TP63: variants seen among roughly 807,000 people sequenced by gnomAD.
TP63 encodes the protein tumor protein p63, also known as tumor protein 63.
In TP63, 17 loss-of-function variants were observed where a neutral mutation model predicts 82.8. The observed-to-expected ratio is 0.21, with a 90% CI of 0.14 to 0.31. The LOEUF (loss-of-function observed/expected upper bound fraction) is 0.31, where lower values mean the gene tolerates loss of function less well. Among genes scored for constraint, TP63 ranks in the 10% least tolerant of loss-of-function variants. The probability of loss-of-function intolerance (pLI) is 1.00; values close to 1 mark genes in which losing one functional copy is unlikely to be tolerated. For synonymous variants in TP63, 330 were observed against 321.7 expected (o/e 1.03, Z -0.28); for missense variants, 648 against 895.3 (o/e 0.72, Z 3.52).
At chr3:189,892,900 C>T (rs749971382) in intron 13 of TP63, among the ~76,000 whole-genome samples, 5 of 152,178 alleles carry the variant, frequency 3.3e-5, no homozygotes, top group Non-Finnish European at 7.3e-5. Context: ...CCTGAAAATT[C>T]ACACCATAGG....
At chr3:189,644,023 A>G (rs1712171067) in intron 1 of TP63, among the ~76,000 whole-genome samples, 1 of 151,526 alleles carries the variant, frequency 6.6e-6, no homozygotes, top group Admixed American at 6.6e-5. Flanking sequence ...TTCTTTGGGA[A>G]CTCTATTCCC....
chr3:189,815,423 T>C (rs1319011009), intron 4 of TP63, among the ~76,000 whole-genome samples: 1 of 152,168 alleles, frequency 6.6e-6, no homozygotes, highest in Non-Finnish European at 1.5e-5. Flanking sequence ...AAAGAGCTTA[T>C]ATACTGTATC....
chr3:189,746,635 C>T (rs553100899), intron 3 of TP63, among the ~76,000 whole-genome samples: 32 of 151,856 alleles, frequency 2.1e-4, no homozygotes, highest in African/African-American at 7.7e-4. Context: ...AATAAGGGAA[C>T]AAAGACTACA....
chr3:189,628,848 G>A (rs1729374644), upstream of TP63, among the ~76,000 whole-genome samples: 1 of 152,094 alleles, frequency 6.6e-6, no homozygotes, highest in African/African-American at 2.4e-5. Flanking sequence ...TGCTACTGGT[G>A]TTCTGTTGAA....
At chr3:189,709,848 G>A (rs6444392) in intron 1 of TP63, among the ~76,000 whole-genome samples, 13,329 of 152,096 alleles carry the variant, frequency 0.088, 814 homozygotes, top group African/African-American at 0.18. Context: ...TCCTTTGAAG[G>A]TGGGTCATAC....
chr3:189,677,306 T>C (rs982896315), intron 1 of TP63, among the ~76,000 whole-genome samples: 2 of 147,622 alleles, frequency 1.4e-5, no homozygotes, highest in Non-Finnish European at 3.0e-5. Context: ...AAATGTTTTA[T>C]ATATATTCTA....
At chr3:189,822,123 C>G (rs1728857790) in intron 4 of TP63, among the ~76,000 whole-genome samples, 1 of 152,132 alleles carries the variant, frequency 6.6e-6, no homozygotes, top group African/African-American at 2.4e-5. Flanking sequence ...GATGATACTC[C>G]TTTAGGTAAC....
intron 3 of TP63, among the ~76,000 whole-genome samples, chr3:189,745,275 A>C (rs1721278822): frequency 6.6e-6 from 1 of 152,256 alleles, no homozygotes; most frequent in South Asian, 2.1e-4. Context: ...GATCCCAGTA[A>C]AAATTATTAA....
rs756910743 is a variant in TP63 at position 189,873,045 on chromosome 3, A to C, written c.1349+50A>C. 4 of 1,613,540 alleles carry C rather than the reference A, an allele frequency of 2.5e-6. No individual in the cohort carries two copies. The African/African-American group carries it at 4.0e-5, about 16-fold the overall frequency. On this transcript the variant is annotated intron_variant, in intron 10 of 13. Coordinates refer to ENST00000264731, the MANE Select transcript of TP63 (RefSeq NM_003722.5). ...AGGAGGCATGAGTGAGGGTGACTTT[A>C]TTTGGATCAGCAATAGGGTGATTGA...
chr3:189,730,812 G>C (rs1253984054), intron 1 of TP63, among the ~76,000 whole-genome samples: 10 of 152,172 alleles, frequency 6.6e-5, no homozygotes, highest in African/African-American at 2.4e-4. Context: ...TGAGCCAGGA[G>C]ATCTAGTAGC....
intron 3 of TP63, among the ~76,000 whole-genome samples, chr3:189,801,606 C>T (rs1410043616): frequency 1.3e-5 from 2 of 152,164 alleles, no homozygotes; most frequent in Non-Finnish European, 2.9e-5. Context: ...TTTCCCACTT[C>T]CTGTCTTTTC....
At chr3:189,712,562 T>G (rs1302563711) in intron 1 of TP63, among the ~76,000 whole-genome samples, 2 of 152,060 alleles carry the variant, frequency 1.3e-5, no homozygotes, top group Non-Finnish European at 1.5e-5. Flanking sequence ...CTTTGAGGCC[T>G]TTTTTACAAG....
intron 1 of TP63, among the ~76,000 whole-genome samples, chr3:189,655,271 C>G (rs151149456): frequency 0.038 from 5,833 of 152,216 alleles, 142 homozygotes; most frequent in Middle Eastern, 0.054. Flanking sequence ...AAAAGCTGGA[C>G]AAATCAATAA....
intron 4 of TP63, among the ~76,000 whole-genome samples, chr3:189,840,470 G>T (rs926866950): frequency 1.4e-5 from 2 of 139,336 alleles, no homozygotes; most frequent in Admixed American, 7.3e-5. Context: ...GTGTACGTGT[G>T]TGTGTGTGTT....
chr3:189,626,815 A>T (rs890885513), upstream of TP63, among the ~76,000 whole-genome samples: 12 of 152,168 alleles, frequency 7.9e-5, no homozygotes, highest in Non-Finnish European at 1.6e-4. Flanking sequence ...TAAGTCCCTG[A>T]ATTTATAATT....
chr3:189,658,851 CAGTT>C lies in TP63; in HGVS notation c.62+27275_62+27278del, dbSNP rs145744745. Among the ~76,000 whole-genome samples the C allele has an allele frequency of 7.4e-3, 1,121 of 152,032 alleles. 13 individuals are homozygous for C. The highest frequency in any genetic ancestry group is 0.025 in the African/African-American group (1,042 of 41,494). On this transcript the variant is annotated intron_variant, in intron 1 of 13. Transcript: ENST00000264731. The stretch of plus-strand genomic sequence containing the variant: ...TTATGGGACTTTAGCCTATCTAACT[CAGTT>C]GGTAGAGAATGAGACTCTTCAGTTA...
intron 3 of TP63, among the ~76,000 whole-genome samples, chr3:189,741,182 T>A (rs942119836): frequency 6.7e-6 from 1 of 149,896 alleles, no homozygotes; most frequent in Admixed American, 6.7e-5. Context: ...AACTTGCCTA[T>A]CTGTGGCTGC....
At chr3:189,762,541 T>C (rs1306863511) in intron 3 of TP63, among the ~76,000 whole-genome samples, 1 of 152,176 alleles carries the variant, frequency 6.6e-6, no homozygotes, top group Non-Finnish European at 1.5e-5. Flanking sequence ...TGTGGAAGGG[T>C]CTGCTGGGTT....
the TP63 span, among the ~76,000 whole-genome samples, chr3:189,598,032 G>A: frequency 6.6e-6 from 1 of 151,894 alleles, no homozygotes; most frequent in Non-Finnish European, 1.5e-5. Flanking sequence ...GGAAGTTATA[G>A]AACTGTAAAA....
Sources: allele counts gnomAD v4.1 joint callset (sites outside exome capture counted in the v4.1 genomes callset), GRCh38; gene constraint gnomAD v4.1.1; transcripts MANE v1.5; gene names NCBI Gene and HGNC (gene_info 2026-07-23, HGNC 2026-07-21).